Variants in ANXA5 observed in about 807,000 individuals in gnomAD.
The protein encoded by ANXA5 is annexin A5, also known as CBP-I.
In ANXA5, 40 loss-of-function variants were observed where a neutral mutation model predicts 48.1. The ratio of observed to expected loss-of-function variants is 0.83; its 90% CI spans 0.65 to 1.08. ANXA5 has a LOEUF of 1.08. ANXA5 is among the 50% of genes least tolerant of loss of function. The probability of loss-of-function intolerance (pLI) is 0.00; values close to 1 mark genes in which losing one functional copy is unlikely to be tolerated. For synonymous variants in ANXA5, 113 were observed against 129.1 expected, an observed-to-expected ratio of 0.88 and a Z score of 0.85; for missense variants, 357 against 376.8, an observed-to-expected ratio of 0.95 and a Z score of 0.44.
intron 2 of ANXA5, among the ~76,000 whole-genome samples, chr4:121,693,950 T>A (rs1359345165): frequency 3.9e-5 from 6 of 152,224 alleles, no homozygotes; most frequent in Non-Finnish European, 5.9e-5. Flanking sequence ...AGGGCTTTTT[T>A]AAATTATTAT....
chr4:121,690,579 A>G (rs1219750491), intron 2 of ANXA5, among the ~76,000 whole-genome samples: 6 of 151,006 alleles, frequency 4.0e-5, no homozygotes, highest in African/African-American at 7.4e-5. Context: ...CAGTTAAGAG[A>G]AAAAAAAAGG....
At chr4:121,691,702 G>A (rs1578449459) in intron 2 of ANXA5, among the ~76,000 whole-genome samples, 1 of 152,230 alleles carries the variant, frequency 6.6e-6, no homozygotes, top group East Asian at 1.9e-4. Flanking sequence ...AAAACAGTAA[G>A]CTGGGAAGAC....
intron 8 of ANXA5, among the ~76,000 whole-genome samples, chr4:121,676,497 G>A (rs1724700327): frequency 6.6e-6 from 1 of 152,144 alleles, no homozygotes; most frequent in Non-Finnish European, 1.5e-5. Flanking sequence ...CCATAAAAGG[G>A]AAATTGCCCC....
chr4:121,681,041 G>A (rs986980320), intron 6 of ANXA5, among the ~76,000 whole-genome samples: 1 of 152,044 alleles, frequency 6.6e-6, no homozygotes, highest in East Asian at 1.9e-4. Flanking sequence ...AGAAAGAGTT[G>A]GCTACAAGAA....
chr4:121,687,646 T>C (rs1724915973), intron 2 of ANXA5, among the ~76,000 whole-genome samples: 2 of 152,174 alleles, frequency 1.3e-5, no homozygotes, highest in Admixed American at 6.5e-5. Context: ...TTTTAAAAGA[T>C]GACAACAGAG....
intron 6 of ANXA5, among the ~76,000 whole-genome samples, chr4:121,679,704 A>G (rs1297532003): frequency 1.2e-4 from 18 of 152,116 alleles, no homozygotes; most frequent in African/African-American, 4.3e-4. Flanking sequence ...TATCTTTTCT[A>G]CCTACTCAAA....
chr4:121,681,463 T>C, intron 6 of ANXA5: 1 of 432,848 alleles, frequency 2.3e-6, no homozygotes, highest in Non-Finnish European at 4.1e-6. Context: ...TAGCTTCTTA[T>C]AAAATATGAA....
intron 12 of ANXA5, chr4:121,669,330 G>A: frequency 3.0e-6 from 1 of 332,178 alleles, no homozygotes; most frequent in Non-Finnish European, 5.4e-6. Context: ...CATAGGCAAG[G>A]GGTTTGGTTT....
At chr4:121,688,633 G>A (rs1412702951) in intron 2 of ANXA5, among the ~76,000 whole-genome samples, 1 of 151,970 alleles carries the variant, frequency 6.6e-6, no homozygotes, top group East Asian at 1.9e-4. Context: ...TTCTTTCCTC[G>A]GAACAGGGTC....
At chr4:121,675,481 A>G (rs533492049) in intron 8 of ANXA5, among the ~76,000 whole-genome samples, 35 of 152,382 alleles carry the variant, frequency 2.3e-4, no homozygotes, top group Admixed American at 1.6e-3. Context: ...TGTTTTCAAC[A>G]GGTTTATTAA....
In ANXA5 at chr4:121,678,021, T is replaced by A. The variant is rs950230472; in HGVS notation, c.475-71A>T. The A allele has an allele frequency of 4.4e-5, 51 of 1,161,176 alleles. No individual in the cohort carries two copies. The African/African-American group carries it at 7.1e-4, about 16-fold the overall frequency. 71.9% of individuals were successfully genotyped at this position (1,161,176 alleles called of 1,614,324 possible). ...ATTCAAAAGGAAAAATGGTTCCACC[T>A]GATGGTTATTCAATAACACTCTTTC... On this transcript the variant is annotated intron_variant, in intron 7 of 12. Coordinates refer to ENST00000296511, the MANE Select transcript of ANXA5 (RefSeq NM_001154.4).
In ANXA5 at chr4:121,696,572, C is replaced by T. The variant is rs1226735120; in HGVS notation, c.9+9G>A. 2.1e-6 allele frequency: 3 copies of T among 1,403,232 alleles called. No individual in the cohort carries two copies. The highest frequency in any genetic ancestry group is 1.9e-6 in the Non-Finnish European group (2 of 1,067,298). The allele number at this position is 1,403,232 out of a possible 1,614,324, so 86.9% of individuals were successfully genotyped here. ...TAAATCCAGCGCAGTGGGGGGCGCA[C>T]GGCCTTACCTGTGCCATGGCGACTA... is the stretch of plus-strand genomic sequence containing the variant. On this transcript the variant is annotated intron_variant, in intron 2 of 12. Transcript: ENST00000296511.
intron 7 of ANXA5, chr4:121,678,202 A>G (rs769070797): frequency 1.6e-5 from 10 of 609,604 alleles, no homozygotes; most frequent in Non-Finnish European, 2.6e-5. Flanking sequence ...AGATACTACT[A>G]TCTAAAACAT....
chr4:121,690,118 AC>A (rs1329961786), intron 2 of ANXA5, among the ~76,000 whole-genome samples: 1 of 152,236 alleles, frequency 6.6e-6, no homozygotes, highest in Non-Finnish European at 1.5e-5. Context: ...TGCACCAGGC[AC>A]CGTGCACAGA....
chr4:121,683,872 A>G (rs1724833265), intron 4 of ANXA5, among the ~76,000 whole-genome samples: 2 of 152,132 alleles, frequency 1.3e-5, no homozygotes, highest in Non-Finnish European at 2.9e-5. Flanking sequence ...CAAACGTAAT[A>G]ATTTTTTCTT....
chr4:121,672,058 A>C (rs1265863941), intron 9 of ANXA5, among the ~76,000 whole-genome samples: 2 of 152,132 alleles, frequency 1.3e-5, no homozygotes, highest in Non-Finnish European at 2.9e-5. Flanking sequence ...AAAAAGAAAA[A>C]CCAGAAAGAT....
chr4:121,683,720 A>C (rs1010539341), intron 4 of ANXA5, among the ~76,000 whole-genome samples: 3 of 152,048 alleles, frequency 2.0e-5, no homozygotes, highest in African/African-American at 7.2e-5. Flanking sequence ...TGTTTTTCTT[A>C]ACTTGAAAAA....
At chr4:121,680,372 C>G (rs967869360) in intron 6 of ANXA5, among the ~76,000 whole-genome samples, 3 of 152,112 alleles carry the variant, frequency 2.0e-5, no homozygotes, top group Non-Finnish European at 2.9e-5. Context: ...GTGATTTGTA[C>G]CATGAAGCCT....
intron 6 of ANXA5, among the ~76,000 whole-genome samples, chr4:121,680,109 A>G (rs970342442): frequency 2.0e-5 from 3 of 152,040 alleles, no homozygotes; most frequent in South Asian, 2.1e-4. Context: ...TATGAGTTCA[A>G]TTTTTTTAGA....
Sources: gnomAD v4.1 joint callset for allele counts (sites outside exome capture counted in the v4.1 genomes callset) on GRCh38, gnomAD v4.1.1 for gene constraint, MANE v1.5 for transcripts, NCBI Gene and HGNC (gene_info 2026-07-23, HGNC 2026-07-21) for gene names.